DISC1: variants seen among roughly 807,000 people sequenced by gnomAD.
The protein encoded by DISC1 is DISC1 scaffold protein.
In DISC1, 57 loss-of-function variants were observed where a neutral mutation model predicts 84.5. The observed-to-expected ratio is 0.67, with a 90% CI of 0.55 to 0.84. The LOEUF (loss-of-function observed/expected upper bound fraction) is 0.84. Among genes scored for constraint, DISC1 ranks in the 40% least tolerant of loss-of-function variants. The pLI is 0.00. For synonymous variants in DISC1, 411 were observed against 415.2 expected (o/e 0.99, Z 0.12); for missense variants, 1,000 against 1,057.8 (o/e 0.95, Z 0.76).
intron 9 of DISC1, among the ~76,000 whole-genome samples, chr1:231,878,915 A>G (rs1032178387): frequency 2.0e-5 from 3 of 152,156 alleles, no homozygotes; most frequent in African/African-American, 7.2e-5. Flanking sequence ...CTTTCACTCA[A>G]CAACATGAGA....
chr1:231,733,998 G>A (rs971236207), intron 3 of DISC1, among the ~76,000 whole-genome samples: 20 of 151,734 alleles, frequency 1.3e-4, no homozygotes, highest in Non-Finnish European at 2.9e-4. Context: ...GACCTGACTG[G>A]TGGTGGTGGT....
At chr1:231,885,984 G>A (rs749134126) in intron 9 of DISC1, among the ~76,000 whole-genome samples, 11 of 152,148 alleles carry the variant, frequency 7.2e-5, no homozygotes, top group African/African-American at 9.7e-5. Context: ...CAAGATCAAG[G>A]GCTGGCTCAA....
intron 9 of DISC1, among the ~76,000 whole-genome samples, chr1:231,928,338 G>T (rs1253355237): frequency 1.3e-5 from 2 of 152,254 alleles, no homozygotes; most frequent in Non-Finnish European, 2.9e-5. Flanking sequence ...CAGTGAAAGG[G>T]CAGTGACAGC....
At chr1:231,784,697 C>T (rs2077697535) in intron 6 of DISC1, among the ~76,000 whole-genome samples, 1 of 152,162 alleles carries the variant, frequency 6.6e-6, no homozygotes, top group Admixed American at 6.5e-5. Context: ...AAAAGATGAG[C>T]TAGTTGGTGA....
At chr1:232,007,775 G>A (rs138331574) in intron 10 of DISC1, among the ~76,000 whole-genome samples, 27 of 152,236 alleles carry the variant, frequency 1.8e-4, no homozygotes, top group African/African-American at 6.0e-4. Context: ...GAGGGGCTGG[G>A]GTGAAATGAT....
chr1:231,858,578 T>A lies in DISC1; in HGVS notation c.1981+40061T>A, dbSNP rs114070598. ...TCTCCCTACTCTTTCTCAACCTTCT[T>A]ATTTACTATTCCACACACTCGCTGG... is the stretch of plus-strand genomic sequence containing the variant. On this transcript the variant is annotated intron_variant, in intron 9 of 12. Transcript: ENST00000439617. Among the ~76,000 whole-genome samples, 1,433 of 152,276 alleles carry A rather than the reference T, an allele frequency of 9.4e-3. 27 individuals carry two copies. Among genetic ancestry groups the A allele is most frequent in the African/African-American group, 0.033 (1,361 of 41,534 alleles).
chr1:231,738,382 C>T lies in DISC1; in HGVS notation c.1118-11544C>T, dbSNP rs564321085. On this transcript the variant is annotated intron_variant, in intron 3 of 12. Coordinates refer to ENST00000439617, the MANE Select transcript of DISC1 (RefSeq NM_018662.3). ...TAAGTTTCCTCCTGCTTGAGCAGTT[C>T]GTTAGTACTCAATCGTTCTCTGTCT... Among the ~76,000 whole-genome samples the T allele has an allele frequency of 4.6e-5, 7 of 152,264 alleles. No homozygotes were observed. In the South Asian group the frequency reaches 1.5e-3, roughly 32 times the overall value.
chr1:231,760,104 CTG>C (rs1409941512), intron 4 of DISC1, among the ~76,000 whole-genome samples: 4 of 152,268 alleles, frequency 2.6e-5, no homozygotes, highest in Admixed American at 6.5e-5. Flanking sequence ...TGGGATAAGA[CTG>C]TATAAAACAA....
At chr1:231,973,684 A>G (rs1444082961) in intron 10 of DISC1, among the ~76,000 whole-genome samples, 1 of 152,226 alleles carries the variant, frequency 6.6e-6, no homozygotes, top group African/African-American at 2.4e-5. Flanking sequence ...CATTTTTCCT[A>G]GGCCTATAAT....
intron 1 of DISC1, among the ~76,000 whole-genome samples, chr1:231,629,027 A>G (rs566843206): frequency 4.2e-4 from 64 of 152,302 alleles, no homozygotes; most frequent in African/African-American, 1.4e-3. Context: ...ATGAGCCACC[A>G]GGCCCAACCT....
intron 9 of DISC1, chr1:231,855,430 C>T: frequency 1.0e-6 from 1 of 984,974 alleles, no homozygotes; most frequent in Non-Finnish European, 1.2e-6. Context: ...CCATTTGATG[C>T]AAGCAGTTAA....
chr1:231,843,011 C>G (rs1280155256), intron 9 of DISC1, among the ~76,000 whole-genome samples: 2 of 151,966 alleles, frequency 1.3e-5, no homozygotes, highest in Non-Finnish European at 2.9e-5. Flanking sequence ...ATGTGCTGAG[C>G]CTAACAGTAC....
At chr1:231,905,785 G>C (rs911731008) in intron 9 of DISC1, among the ~76,000 whole-genome samples, 2 of 152,074 alleles carry the variant, frequency 1.3e-5, no homozygotes, top group Non-Finnish European at 2.9e-5. Flanking sequence ...AATGAAGCCT[G>C]AGGATTCGAT....
At chr1:231,849,681 GAC>G (rs1460909181) in intron 9 of DISC1, among the ~76,000 whole-genome samples, 3 of 151,830 alleles carry the variant, frequency 2.0e-5, no homozygotes, top group African/African-American at 4.8e-5. Flanking sequence ...GACAAAGCAT[GAC>G]ACAGTTCACT....
chr1:231,682,695 G>T (rs183005861), intron 1 of DISC1, among the ~76,000 whole-genome samples: 1 of 152,122 alleles, frequency 6.6e-6, no homozygotes, highest in Non-Finnish European at 1.5e-5. Context: ...TAGATTTATC[G>T]CAAAGCTGCA....
intron 9 of DISC1, among the ~76,000 whole-genome samples, chr1:231,867,449 A>AAAT (rs141090899): frequency 6.6e-6 from 1 of 152,182 alleles, no homozygotes; most frequent in Non-Finnish European, 1.5e-5. Flanking sequence ...TGTGTTTAAA[A>AAAT]AATAATAATA....
chr1:231,949,254 T>A (rs1045168998), intron 9 of DISC1, among the ~76,000 whole-genome samples: 1 of 152,178 alleles, frequency 6.6e-6, no homozygotes, highest in African/African-American at 2.4e-5. Context: ...TCTGTGTGTG[T>A]CTTACTAGCC....
intron 3 of DISC1, among the ~76,000 whole-genome samples, chr1:231,717,499 C>T (rs573114133): frequency 6.6e-6 from 1 of 152,314 alleles, no homozygotes; most frequent in African/African-American, 2.4e-5. Context: ...CTCTGTCTCA[C>T]TGAGCCATAG....
intron 3 of DISC1, chr1:231,702,699 C>T (rs201495827): frequency 1.0e-5 from 7 of 689,610 alleles, no homozygotes; most frequent in Non-Finnish European, 1.1e-5. Context: ...AGTTGGGCTG[C>T]AAGCAGATGA....
Sources: allele counts gnomAD v4.1 joint callset (sites outside exome capture counted in the v4.1 genomes callset), GRCh38; gene constraint gnomAD v4.1.1; transcripts MANE v1.5; gene names NCBI Gene and HGNC (gene_info 2026-07-23, HGNC 2026-07-21).